ORC2: variants seen among roughly 807,000 people sequenced by gnomAD.
ORC2 encodes the protein origin recognition complex protein 2 homolog.
A neutral mutation model predicts 77.7 loss-of-function variants in ORC2; 37 were observed. The observed-to-expected ratio is 0.48, with a 90% CI of 0.37 to 0.63. The LOEUF (loss-of-function observed/expected upper bound fraction) is 0.63. ORC2 is among the 20% of genes least tolerant of loss of function. ORC2 has a pLI of 0.00. For synonymous variants in ORC2, 201 were observed against 229.5 expected (o/e 0.88, Z 1.12); for missense variants, 557 against 661.9 (o/e 0.84, Z 1.74).
At position 200,952,204 on chromosome 2, in the gene ORC2, C is replaced by T. The variant is rs1185964306; in HGVS notation, c.239-2561G>A. ...ACTTGTTACTGCAATGATAGAACTA[C>T]AACTAGAATATATAATTAGAATATA... On this transcript the variant is annotated intron_variant, in intron 4 of 17. Transcript: ENST00000234296. 2.0e-5 allele frequency among the ~76,000 whole-genome samples: 3 copies of T among 151,686 alleles called. No homozygotes were observed. The East Asian group carries it at 5.8e-4, about 29-fold the overall frequency.
chr2:200,959,823 G>C (rs1378906761), intron 1 of ORC2, among the ~76,000 whole-genome samples: 2 of 151,918 alleles, frequency 1.3e-5, no homozygotes, highest in Admixed American at 6.6e-5. Context: ...TCAGTGCTTT[G>C]GGAGGCTGAG....
At chr2:200,914,054 A>C (rs1178333007) in intron 15 of ORC2, 62 bp from the exon 16 acceptor site, 2 of 999,458 alleles carry the variant, frequency 2.0e-6, no homozygotes, top group Non-Finnish European at 3.0e-6. Flanking sequence ...GGTAACAACT[A>C]ATAGTAAAAT....
At chr2:200,941,690 T>C (rs2041154797) in intron 6 of ORC2, among the ~76,000 whole-genome samples, 1 of 150,366 alleles carries the variant, frequency 6.7e-6, no homozygotes, top group Non-Finnish European at 1.5e-5. Context: ...ATTTTGATTA[T>C]TGAAAAGTAC....
At chr2:200,913,910 A>C in intron 16 of ORC2, 21 bp downstream of exon 16, 1 of 1,575,532 alleles carries the variant, frequency 6.3e-7, no homozygotes, top group South Asian at 1.2e-5. Flanking sequence ...TACACAATTG[A>C]ATGTCATAAA....
intron 4 of ORC2, among the ~76,000 whole-genome samples, chr2:200,953,411 GTTTT>G (rs774446171): frequency 3.3e-5 from 4 of 121,360 alleles, no homozygotes; most frequent in African/African-American, 1.7e-4. Flanking sequence ...AAGGGCTACT[GTTTT>G]TTTTTTTTTT....
chr2:200,944,956 G>C (rs956795481), intron 5 of ORC2, among the ~76,000 whole-genome samples: 3 of 152,178 alleles, frequency 2.0e-5, no homozygotes, highest in Non-Finnish European at 2.9e-5. Context: ...GCCAAACCCA[G>C]CCTTTCCACT....
At chr2:200,916,527 G>A (rs549911441) in intron 15 of ORC2, among the ~76,000 whole-genome samples, 11 of 151,844 alleles carry the variant, frequency 7.2e-5, no homozygotes, top group African/African-American at 1.4e-4. Flanking sequence ...CATATTTAAC[G>A]TTTTGAGTTC....
intron 7 of ORC2, among the ~76,000 whole-genome samples, chr2:200,939,490 T>C (rs1222873410): frequency 6.6e-6 from 1 of 152,172 alleles, no homozygotes; most frequent in Admixed American, 6.5e-5. Context: ...GACAACAGAT[T>C]ACTCCTAGGG....
intron 3 of ORC2, 129 bp downstream of exon 3, chr2:200,957,900 TA>T (rs1173076466): frequency 9.2e-6 from 5 of 544,944 alleles, no homozygotes; most frequent in Non-Finnish European, 1.6e-5. Flanking sequence ...AAGCAGTTTT[TA>T]TTTAGTTTTA....
chr2:200,949,735 CAT>C, intron 4 of ORC2, 92 bp from the exon 5 acceptor site: 1 of 607,364 alleles, frequency 1.6e-6, no homozygotes. Flanking sequence ...TTGTACCCCT[CAT>C]AGCCTTGCAT....
intron 15 of ORC2, among the ~76,000 whole-genome samples, chr2:200,917,750 G>C (rs1196838482): frequency 6.6e-6 from 1 of 152,182 alleles, no homozygotes; most frequent in East Asian, 1.9e-4. Context: ...GTGGAAGTTG[G>C]TGCTTTGGGA....
intron 15 of ORC2, among the ~76,000 whole-genome samples, chr2:200,919,559 A>G (rs543100083): frequency 2.6e-5 from 4 of 152,294 alleles, no homozygotes; most frequent in Admixed American, 2.6e-4. Flanking sequence ...GGGTTTCCCC[A>G]TGTCGGCCAG....
At chr2:200,944,283 C>G (rs1214552140) in intron 5 of ORC2, among the ~76,000 whole-genome samples, 1 of 152,052 alleles carries the variant, frequency 6.6e-6, no homozygotes, top group Admixed American at 6.5e-5. Context: ...AAGCAGTTAT[C>G]CAGCCTCAGC....
At chr2:200,917,787 G>A (rs2040682162) in intron 15 of ORC2, among the ~76,000 whole-genome samples, 1 of 151,936 alleles carries the variant, frequency 6.6e-6, no homozygotes, top group Non-Finnish European at 1.5e-5. Flanking sequence ...TTCCCTGCAT[G>A]TATTTTTGTA....
intron 1 of ORC2, 33 bp downstream of exon 1, chr2:200,963,457 G>A: frequency 2.5e-6 from 1 of 398,636 alleles, no homozygotes; most frequent in Non-Finnish European, 4.4e-6. Flanking sequence ...AGCAGAAAAG[G>A]GAGGCAGGCT....
chr2:200,945,824 T>A (rs775165400), intron 5 of ORC2, among the ~76,000 whole-genome samples: 26 of 152,274 alleles, frequency 1.7e-4, no homozygotes, highest in African/African-American at 5.3e-4. Flanking sequence ...TTTAGCTTGA[T>A]TCCATATCCT....
chr2:200,962,277 C>T (rs1233430360), intron 1 of ORC2, among the ~76,000 whole-genome samples: 2 of 152,226 alleles, frequency 1.3e-5, no homozygotes, highest in Non-Finnish European at 2.9e-5. Flanking sequence ...TGCTTATAGG[C>T]CAACCCCTTT....
chr2:200,949,255 A>AAG (rs2041306243), intron 5 of ORC2, among the ~76,000 whole-genome samples: 1 of 151,954 alleles, frequency 6.6e-6, no homozygotes, highest in Admixed American at 6.6e-5. Flanking sequence ...AAAAAAAAAA[A>AAG]AGAAACTAAG....
intron 7 of ORC2, among the ~76,000 whole-genome samples, chr2:200,940,645 T>C (rs2041131655): frequency 6.6e-6 from 1 of 150,972 alleles, no homozygotes; most frequent in Non-Finnish European, 1.5e-5. Flanking sequence ...CTACTAAAAA[T>C]ACAAAAATTA....
Sources: gnomAD v4.1 joint callset for allele counts (sites outside exome capture counted in the v4.1 genomes callset) on GRCh38, gnomAD v4.1.1 for gene constraint, MANE v1.5 for transcripts, NCBI Gene and HGNC (gene_info 2026-07-23, HGNC 2026-07-21) for gene names.